Variants in EXPH5 observed in about 807,000 individuals in gnomAD.
The protein encoded by EXPH5 is exophilin 5.
A neutral mutation model predicts 41.1 loss-of-function variants in EXPH5; 42 were observed. That is an observed-to-expected ratio of 1.02 (90% CI 0.80 to 1.32). EXPH5 has a LOEUF of 1.32. EXPH5 is among the 40% of genes most tolerant of loss of function. EXPH5 has a pLI of 0.00. For missense variants in EXPH5, 2,298 were observed against 2,314.5 expected (o/e 0.99, Z 0.15); for synonymous variants, 798 against 833.5 (o/e 0.96, Z 0.73).
intron 1 of EXPH5, among the ~76,000 whole-genome samples, chr11:108,573,123 AGAAG>A (rs1463342255): frequency 1.4e-5 from 2 of 139,514 alleles, no homozygotes; most frequent in Non-Finnish European, 3.1e-5. Flanking sequence ...GAAAAAGAAA[AGAAG>A]GAAGGAAAGA....
At position 108,541,760 on chromosome 11, in the gene EXPH5, C is replaced by T; in HGVS notation, c.172G>A (p.Glu58Lys). 1 of 1,612,768 alleles carries T rather than the reference C, an allele frequency of 6.2e-7. No individual in the cohort carries two copies. Among genetic ancestry groups the T allele is most frequent in the Non-Finnish European group, 8.5e-7 (1 of 1,179,250 alleles). ...TTTCTTTGAATTTCTTCAAACCATT[C>T]ACCAGTCACTCCCTGAAGCCATCTG... ...DIRWLQGVTG[E>K]WFEEIQRKKF... is the part of the protein sequence containing the mutation. Residue 58 changes from glutamate (E) to lysine (K), a missense_variant, in exon 2 of 6, where the codon GAA becomes AAA. Physicochemically the swap from Glu to Lys is moderately conservative, Grantham distance 56 (BLOSUM62 1). Coordinates refer to ENST00000265843, the MANE Select transcript of EXPH5 (RefSeq NM_015065.3).
intron 4 of EXPH5, among the ~76,000 whole-genome samples, chr11:108,521,233 A>G (rs1412626803): frequency 2.0e-5 from 3 of 152,148 alleles, no homozygotes; most frequent in Non-Finnish European, 2.9e-5. Flanking sequence ...GATCCTTTCC[A>G]AAGCTCCAAC....
At position 108,512,861 on chromosome 11, in the gene EXPH5, A is replaced by C. The variant is rs1265170814; in HGVS notation, c.2646T>G (p.Ala882=). 1.2e-6 allele frequency: 2 copies of C among 1,614,200 alleles called. No individual in the cohort carries two copies. Among genetic ancestry groups the C allele is most frequent in the East Asian group, 2.2e-5 (1 of 44,884 alleles). Residue 882 remains alanine, a synonymous_variant, in exon 6 of 6, where the codon GCT becomes GCG. Coordinates refer to ENST00000265843, the MANE Select transcript of EXPH5 (RefSeq NM_015065.3). ...TTGATGGTGAGGAATCTGGTAGTGC[A>C]GCTGATGACAGATCTAAAGAATCAC... ...TSCDSLDLSS[A]ALPDSSPSKN...
Position 108,566,908 on chromosome 11 carries a change from G to A in EXPH5, c.120-25096C>T, listed in dbSNP as rs115327803. ...ACAGATAGCACCAACACACCACTGCGTTGTCACTCCCTGACACAACCTATT... is the reference window on the plus strand; with the variant it reads ...ACAGATAGCACCAACACACCACTGCATTGTCACTCCCTGACACAACCTATT... On this transcript the variant is annotated intron_variant, in intron 1 of 5. Coordinates refer to ENST00000265843, the MANE Select transcript of EXPH5 (RefSeq NM_015065.3). Among the ~76,000 whole-genome samples the A allele has an allele frequency of 4.1e-3, 624 of 152,236 alleles. 5 individuals carry two copies. Among genetic ancestry groups the A allele is most frequent in the African/African-American group, 0.014 (595 of 41,544 alleles).
intron 3 of EXPH5, among the ~76,000 whole-genome samples, chr11:108,537,085 C>T (rs1416102022): frequency 2.0e-5 from 3 of 152,220 alleles, no homozygotes; most frequent in South Asian, 4.1e-4. Context: ...TTCAGATCAA[C>T]ACTGCCAAAG....
intron 1 of EXPH5, among the ~76,000 whole-genome samples, chr11:108,561,070 T>C (rs1278238597): frequency 6.6e-6 from 1 of 152,192 alleles, no homozygotes; most frequent in East Asian, 1.9e-4. Flanking sequence ...TTTAAATAAA[T>C]GTGTCTCAGT....
chr11:108,605,147 G>T, the EXPH5 span, among the ~76,000 whole-genome samples: 1 of 152,148 alleles, frequency 6.6e-6, no homozygotes, highest in Non-Finnish European at 1.5e-5. Flanking sequence ...GTGGAAACGG[G>T]TTGTGATGGT....
Position 108,517,873 on chromosome 11 carries a change from C to T in EXPH5, c.631+362G>A, listed in dbSNP as rs150291718. On this transcript the variant is annotated intron_variant, in intron 5 of 5. Transcript: ENST00000265843. ...TCCCAGGTTCAAGCACTTCTCCTGC[C>T]TCAGCCTCCCAAGTAGCTGAGATTA... Among the ~76,000 whole-genome samples the T allele has an allele frequency of 6.4e-3, 977 of 152,170 alleles. 9 individuals are homozygous for T. The highest frequency in any genetic ancestry group is 0.02 in the African/African-American group (828 of 41,498).
At chr11:108,520,751 T>TA (rs2093759922) in intron 4 of EXPH5, among the ~76,000 whole-genome samples, 1 of 151,812 alleles carries the variant, frequency 6.6e-6, no homozygotes, top group African/African-American at 2.4e-5. Context: ...GTATTTTTAG[T>TA]AGAGATGGGG....
chr11:108,514,998 CATGTT>C, intron 5 of EXPH5, 123 bp from the exon 6 acceptor site: 1 of 489,372 alleles, frequency 2.0e-6, no homozygotes, highest in East Asian at 3.5e-5. Context: ...ATCATATTAT[CATGTT>C]ATAACATTAA....
chr11:108,528,258 T>C, intron 3 of EXPH5, 74 bp from the exon 4 acceptor site: 1 of 1,002,864 alleles, frequency 1.0e-6, no homozygotes, highest in Non-Finnish European at 1.6e-6. Flanking sequence ...CAACAGCACA[T>C]TTGCCATAAG....
rs148495720 is a variant in EXPH5, at chr11:108,510,015, C to T, written c.5492G>A (p.Ser1831Asn). 7.1e-4 allele frequency: 1,147 copies of T among 1,613,572 alleles called. No individual in the cohort carries two copies. Among genetic ancestry groups the T allele is most frequent in the Non-Finnish European group, 9.3e-4 (1,095 of 1,179,862 alleles). Residue 1831 changes from serine to asparagine, a missense_variant, in exon 6 of 6, where the codon AGT (serine) becomes AAT (asparagine). Ser to Asn is a conservative substitution (Grantham distance 46). Transcript: ENST00000265843. ...SESTSIDNALSRLTLGNEFSV... is the reference protein window; with the variant it reads ...SESTSIDNALNRLTLGNEFSV... ...GAATTCATTCCCAAGGGTCAGTCGA[C>T]TCAGGGCATTGTCAATAGAAGTGCT...
chr11:108,605,409 T>C, the EXPH5 span, among the ~76,000 whole-genome samples: 1 of 152,160 alleles, frequency 6.6e-6, no homozygotes, highest in East Asian at 1.9e-4. Context: ...ATTAGAACAG[T>C]TGTTCTCAAC....
chr11:108,542,907 C>A (rs531964180), intron 1 of EXPH5, among the ~76,000 whole-genome samples: 1 of 151,940 alleles, frequency 6.6e-6, no homozygotes, highest in Non-Finnish European at 1.5e-5. Context: ...TTAGTAGAGA[C>A]GGGGTTTTGC....
At chr11:108,532,889 C>T (rs919017195) in intron 3 of EXPH5, among the ~76,000 whole-genome samples, 11 of 152,106 alleles carry the variant, frequency 7.2e-5, no homozygotes, top group Non-Finnish European at 1.3e-4. Flanking sequence ...TATGTGCTCC[C>T]GCAGCGTATG....
intron 3 of EXPH5, among the ~76,000 whole-genome samples, chr11:108,532,026 G>T (rs1275101975): frequency 6.6e-6 from 1 of 151,896 alleles, no homozygotes; most frequent in Admixed American, 6.6e-5. Flanking sequence ...TATTCAGAGT[G>T]ATCAATATAA....
At chr11:108,596,134 G>A (rs142767042), upstream of EXPH5, among the ~76,000 whole-genome samples, 1,387 of 152,132 alleles carry the variant, frequency 9.1e-3, 12 homozygotes, top group South Asian at 0.033. Context: ...GGCGGAGGTT[G>A]CAGTGAGCCG....
At chr11:108,606,843 G>A in the EXPH5 span, among the ~76,000 whole-genome samples, 2 of 151,528 alleles carry the variant, frequency 1.3e-5, no homozygotes, top group African/African-American at 4.9e-5. Context: ...TTACAATCTG[G>A]TCCAGGTTCA....
intron 1 of EXPH5, among the ~76,000 whole-genome samples, chr11:108,576,645 G>T (rs1276028841): frequency 6.6e-6 from 1 of 152,058 alleles, no homozygotes; most frequent in Non-Finnish European, 1.5e-5. Context: ...GGATACATGT[G>T]ATATTTAATA....
Sources: gnomAD v4.1 joint callset for allele counts (sites outside exome capture counted in the v4.1 genomes callset) on GRCh38, gnomAD v4.1.1 for gene constraint, MANE v1.5 for transcripts, NCBI Gene and HGNC (gene_info 2026-07-23, HGNC 2026-07-21) for gene names.